The following GPR39 variants were observed in gnomAD, a reference collection of about 807,000 sequenced individuals.
GPR39 encodes G protein-coupled receptor 39.
Under a neutral mutation model 18.4 loss-of-function variants are expected in GPR39, and 23 were observed. That is an observed-to-expected ratio of 1.25 (90% CI 0.90 to 1.77). The LOEUF (loss-of-function observed/expected upper bound fraction) is 1.77, where lower values mean the gene tolerates loss of function less well. Ranked by LOEUF, GPR39 falls within the 40% of genes most tolerant of loss-of-function variation. The pLI is 0.00. For missense variants in GPR39, 647 were observed against 602.4 expected (o/e 1.07, Z -0.78); for synonymous variants, 280 against 257.9 (o/e 1.09, Z -0.82).
chr2:132,429,664 A>C (rs76948680), intron 1 of GPR39, among the ~76,000 whole-genome samples: 2,829 of 152,352 alleles, frequency 0.019, 76 homozygotes, highest in African/African-American at 0.055. Flanking sequence ...AGGAGCCTTT[A>C]GAGAGAGCAA....
At chr2:132,634,937 G>C (rs1681722614) in intron 1 of GPR39, among the ~76,000 whole-genome samples, 1 of 152,200 alleles carries the variant, frequency 6.6e-6, no homozygotes, top group South Asian at 2.1e-4. Flanking sequence ...AGAACTCAGG[G>C]TTAATCAGTA....
intron 1 of GPR39, among the ~76,000 whole-genome samples, chr2:132,632,134 G>A (rs888707943): frequency 2.0e-5 from 3 of 152,088 alleles, no homozygotes; most frequent in Non-Finnish European, 4.4e-5. Context: ...ATTTTCATGG[G>A]CAAGTTTCCT....
chr2:132,598,836 C>T (rs1304883112), intron 1 of GPR39, among the ~76,000 whole-genome samples: 1 of 152,098 alleles, frequency 6.6e-6, no homozygotes, highest in Non-Finnish European at 1.5e-5. Flanking sequence ...GTGAGCAGCA[C>T]CATGACATGT....
intron 1 of GPR39, among the ~76,000 whole-genome samples, chr2:132,522,075 A>G (rs1302298809): frequency 6.6e-6 from 1 of 152,010 alleles, no homozygotes; most frequent in African/African-American, 2.4e-5. Context: ...AAGCTCTTCT[A>G]CTTCTAGATC....
intron 1 of GPR39, among the ~76,000 whole-genome samples, chr2:132,431,151 A>G (rs988803834): frequency 2.0e-5 from 3 of 152,204 alleles, no homozygotes; most frequent in African/African-American, 4.8e-5. Context: ...ACCAAGTATC[A>G]GGTTGTGGCT....
chr2:132,427,918 A>AAT (rs1012670765), intron 1 of GPR39, among the ~76,000 whole-genome samples: 18 of 128,746 alleles, frequency 1.4e-4, no homozygotes, highest in Admixed American at 2.4e-4. Context: ...ATTATATTTA[A>AAT]ATATATATAT....
intron 1 of GPR39, among the ~76,000 whole-genome samples, chr2:132,533,302 C>G (rs988574968): frequency 4.6e-5 from 7 of 151,972 alleles, no homozygotes; most frequent in African/African-American, 1.7e-4. Flanking sequence ...TGTGAAGGAT[C>G]CCTTCAAGGA....
chr2:132,502,589 G>C (rs888327252), intron 1 of GPR39, among the ~76,000 whole-genome samples: 4 of 152,064 alleles, frequency 2.6e-5, no homozygotes, highest in African/African-American at 7.2e-5. Context: ...GTGTTCTTTG[G>C]GCGTCTTATA....
chr2:132,527,449 T>C (rs1340048356), intron 1 of GPR39, among the ~76,000 whole-genome samples: 2 of 152,264 alleles, frequency 1.3e-5, no homozygotes, highest in Non-Finnish European at 2.9e-5. Context: ...CGTTTGGGTA[T>C]ATACCCAGTA....
chr2:132,451,174 T>TGTGTGTGTGC (rs3219552), intron 1 of GPR39, among the ~76,000 whole-genome samples: 35,776 of 150,216 alleles, frequency 0.24, 4,701 homozygotes, highest in Non-Finnish European at 0.31. Flanking sequence ...TGTGTGTGTG[T>TGTGTGTGTGC]GCACGCGCGT....
intron 1 of GPR39, chr2:132,489,136 G>A: frequency 4.2e-6 from 1 of 238,812 alleles, no homozygotes; most frequent in Non-Finnish European, 8.8e-6. Context: ...ACCCTGCGAA[G>A]GTACTTCCTG....
At chr2:132,620,777 G>A (rs879022799) in intron 1 of GPR39, among the ~76,000 whole-genome samples, 1 of 152,014 alleles carries the variant, frequency 6.6e-6, no homozygotes, top group African/African-American at 2.4e-5. Context: ...TTTTGAGATG[G>A]AGTCTCGCTC....
chr2:132,513,133 G>T (rs1032353717), intron 1 of GPR39, among the ~76,000 whole-genome samples: 1 of 152,108 alleles, frequency 6.6e-6, no homozygotes, highest in Admixed American at 6.5e-5. Context: ...ACATGGTTGG[G>T]TTCCAGTAAG....
chr2:132,458,734 G>A (rs551088351), intron 1 of GPR39, among the ~76,000 whole-genome samples: 30 of 152,020 alleles, frequency 2.0e-4, no homozygotes, highest in African/African-American at 7.0e-4. Flanking sequence ...TTTGTGTAGG[G>A]AAGAGAAGAG....
chr2:132,427,153 T>TATATAC (rs1553446843), intron 1 of GPR39, among the ~76,000 whole-genome samples: 1 of 82,770 alleles, frequency 1.2e-5, no homozygotes, highest in African/African-American at 5.7e-5. Flanking sequence ...TATATATATA[T>TATATAC]ATATATATAT....
chr2:132,492,726 ACCAT>A (rs1490788151), intron 1 of GPR39, among the ~76,000 whole-genome samples: 27 of 97,078 alleles, frequency 2.8e-4, no homozygotes, highest in African/African-American at 5.9e-4. Context: ...CCATATATAT[ACCAT>A]ATATATATAC....
intron 1 of GPR39, among the ~76,000 whole-genome samples, chr2:132,510,929 T>C (rs1025822300): frequency 1.3e-5 from 2 of 152,086 alleles, no homozygotes; most frequent in Admixed American, 6.5e-5. Flanking sequence ...AAAGAGAAAA[T>C]AGAATGATGA....
At chr2:132,497,645 C>A (rs1558816969) in intron 1 of GPR39, among the ~76,000 whole-genome samples, 1 of 152,150 alleles carries the variant, frequency 6.6e-6, no homozygotes, top group Non-Finnish European at 1.5e-5. Flanking sequence ...CACTTTGGAA[C>A]AAAGCCCTTT....
At chr2:132,561,830 C>T (rs1156546370) in intron 1 of GPR39, among the ~76,000 whole-genome samples, 1 of 152,132 alleles carries the variant, frequency 6.6e-6, no homozygotes. Context: ...CAGAAAAGGT[C>T]AATGTCCCCC....
Sources: allele counts gnomAD v4.1 joint callset (sites outside exome capture counted in the v4.1 genomes callset), GRCh38; gene constraint gnomAD v4.1.1; transcripts MANE v1.5; gene names NCBI Gene and HGNC (gene_info 2026-07-23, HGNC 2026-07-21).